NAALADL2: variants seen among roughly 807,000 people sequenced by gnomAD.
The protein encoded by NAALADL2 is inactive N-acetylated-alpha-linked acidic dipeptidase-like protein 2.
In NAALADL2, 76 loss-of-function variants were observed where a neutral mutation model predicts 87.2. The observed-to-expected ratio is 0.87, with a 90% CI of 0.72 to 1.05. NAALADL2 has a LOEUF of 1.05. Among genes scored for constraint, NAALADL2 ranks in the 50% least tolerant of loss-of-function variants. The pLI, the probability that NAALADL2 is intolerant of heterozygous loss-of-function variation, is 0.00. For synonymous variants in NAALADL2, 354 were observed against 331.0 expected, an observed-to-expected ratio of 1.07 and a Z score of -0.75; for missense variants, 1,089 against 945.8, an observed-to-expected ratio of 1.15 and a Z score of -1.99.
At chr3:175,465,137 A>C (rs1415113874) in intron 7 of NAALADL2, among the ~76,000 whole-genome samples, 1 of 151,974 alleles carries the variant, frequency 6.6e-6, no homozygotes, top group African/African-American at 2.4e-5. Flanking sequence ...CTGTAGTCCC[A>C]GCTACTGGGG....
intron 5 of NAALADL2, among the ~76,000 whole-genome samples, chr3:175,358,493 TA>T (rs759884037): frequency 0.01 from 1,471 of 146,054 alleles, 19 homozygotes; most frequent in African/African-American, 0.033. Context: ...GGGAGTAGTT[TA>T]AAAAAAAAAA....
At chr3:175,181,807 G>GTA (rs1343927237) in intron 2 of NAALADL2, among the ~76,000 whole-genome samples, 7 of 147,516 alleles carry the variant, frequency 4.7e-5, no homozygotes, top group African/African-American at 1.0e-4. Context: ...GTATATATAT[G>GTA]TATATATATA....
intron 5 of NAALADL2, among the ~76,000 whole-genome samples, chr3:175,334,990 T>C (rs1274399556): frequency 6.6e-6 from 1 of 152,130 alleles, no homozygotes; most frequent in Non-Finnish European, 1.5e-5. Flanking sequence ...GAAGACTGGA[T>C]GACTGAGGCA....
rs116458018 is a variant in NAALADL2 at position 174,575,719 on chromosome 3, A to G, written c.-115+25082A>G. On this transcript the variant is annotated intron_variant, in intron 2 of 3. Transcript: ENST00000434257. Reference sequence around the variant, plus strand: ...AAATTCTATAGTAAGTTTATTTGGAAGAGGAATGTGTAAGAAAAAATGTAG... The same window carrying G: ...AAATTCTATAGTAAGTTTATTTGGAGGAGGAATGTGTAAGAAAAAATGTAG... 2.7e-3 allele frequency among the ~76,000 whole-genome samples: 406 copies of G among 152,310 alleles called. 2 individuals are homozygous for G. The highest frequency in any genetic ancestry group is 9.0e-3 in the African/African-American group (375 of 41,578).
intron 10 of NAALADL2, among the ~76,000 whole-genome samples, chr3:175,579,408 C>T (rs999025654): frequency 3.9e-5 from 6 of 152,274 alleles, no homozygotes; most frequent in African/African-American, 1.2e-4. Flanking sequence ...AGCTATTCCA[C>T]ATTCCCACCA....
intron 2 of NAALADL2, among the ~76,000 whole-genome samples, chr3:174,552,795 CAAAA>C (rs1164243901): frequency 3.1e-3 from 171 of 55,986 alleles, no homozygotes; most frequent in Middle Eastern, 0.014. Context: ...GACCCTGCCT[CAAAA>C]AAAAAAAAAA....
rs1222423293 is a variant in NAALADL2 at position 175,112,648 on chromosome 3, G to T, written c.545+15357G>T. 3 of 151,558 alleles carry T rather than the reference G, an allele frequency of 2.0e-5. No homozygotes were observed. The East Asian group carries it at 5.8e-4, about 29-fold the overall frequency. The allele number at this position is 151,558 out of a possible 1,614,324, so 9.4% of individuals were successfully genotyped here. A position where few individuals can be genotyped will look rare whatever the true frequency, so the allele number is the denominator to read the frequency against. On this transcript the variant is annotated intron_variant, in intron 2 of 13. Transcript: ENST00000454872. ...ATAGAGATGGCAATTTCCAGTTACA[G>T]AATTATTAATAATTTAGTTGAATTA...
At chr3:175,675,370 T>C (rs1037820020) in intron 11 of NAALADL2, 4 of 152,242 alleles carry the variant, frequency 2.6e-5, no homozygotes, top group Admixed American at 6.5e-5. Context: ...TGAGTGTGAA[T>C]AGTGGTACAA....
chr3:175,039,241 A>T (rs1319111389), intron 1 of NAALADL2, among the ~76,000 whole-genome samples: 14 of 152,188 alleles, frequency 9.2e-5, no homozygotes, highest in African/African-American at 3.1e-4. Context: ...AACTCGGCTC[A>T]CTGCAACCTC....
intron 1 of NAALADL2, among the ~76,000 whole-genome samples, chr3:174,921,970 T>C (rs1735296543): frequency 6.6e-6 from 1 of 152,036 alleles, no homozygotes; most frequent in Admixed American, 6.6e-5. Context: ...TCTTTTGTTT[T>C]GTCATGAAAA....
At chr3:174,768,219 T>TG (rs1326981779) in intron 3 of NAALADL2, among the ~76,000 whole-genome samples, 1 of 152,180 alleles carries the variant, frequency 6.6e-6, no homozygotes, top group African/African-American at 2.4e-5. Context: ...AGAGGAAGTG[T>TG]TTTTACTGGC....
chr3:175,476,833 C>T lies in NAALADL2; in HGVS notation c.1653+5075C>T, dbSNP rs1427464450. Among the ~76,000 whole-genome samples, 4 of 152,024 alleles carry T rather than the reference C, an allele frequency of 2.6e-5. No individual in the cohort carries two copies. The East Asian group carries it at 7.7e-4, about 29-fold the overall frequency. ...ACGTCTGACATTTTTGCTTGAGTGACTGGAGCCCTGACTTTCAAGTAACAG... is the reference window on the plus strand; with the variant it reads ...ACGTCTGACATTTTTGCTTGAGTGATTGGAGCCCTGACTTTCAAGTAACAG... On this transcript the variant is annotated intron_variant, in intron 9 of 13. Transcript: ENST00000454872.
intron 12 of NAALADL2, among the ~76,000 whole-genome samples, chr3:175,754,274 G>C (rs1043696408): frequency 1.3e-5 from 2 of 152,134 alleles, no homozygotes; most frequent in African/African-American, 4.8e-5. Flanking sequence ...ATATCACATA[G>C]ATACTAAGTG....
chr3:174,469,665 C>A (rs115863682), intron 1 of NAALADL2, among the ~76,000 whole-genome samples: 4,424 of 151,614 alleles, frequency 0.029, 201 homozygotes, highest in African/African-American at 0.1. Context: ...CTCTTGACGT[C>A]GTGATCCGCC....
At chr3:174,978,998 T>C (rs9879353) in intron 1 of NAALADL2, among the ~76,000 whole-genome samples, 6,960 of 152,204 alleles carry the variant, frequency 0.046, 544 homozygotes, top group African/African-American at 0.16. Flanking sequence ...TTTAAATTTA[T>C]TTTTGGGTGA....
intron 1 of NAALADL2, among the ~76,000 whole-genome samples, chr3:174,442,747 A>G (rs914676764): frequency 1.3e-5 from 2 of 152,220 alleles, no homozygotes; most frequent in Non-Finnish European, 2.9e-5. Context: ...TAAGAAAAAT[A>G]TAAGGTGAAA....
chr3:175,272,031 CT>C (rs1295467967), intron 4 of NAALADL2, among the ~76,000 whole-genome samples: 2 of 152,198 alleles, frequency 1.3e-5, no homozygotes, highest in Middle Eastern at 6.8e-3. Context: ...GCCATCCACC[CT>C]TCTCTTTAGA....
chr3:175,095,134 T>G (rs1720907448), intron 1 of NAALADL2, among the ~76,000 whole-genome samples: 1 of 152,040 alleles, frequency 6.6e-6, no homozygotes, highest in Non-Finnish European at 1.5e-5. Flanking sequence ...ACTCTAGGTT[T>G]TTCAAATGGG....
intron 2 of NAALADL2, among the ~76,000 whole-genome samples, chr3:175,098,080 A>G (rs375848963): frequency 2.4e-4 from 37 of 152,214 alleles, no homozygotes; most frequent in African/African-American, 7.9e-4. Flanking sequence ...TACCAGGTGT[A>G]TTGGTGTTGG....
Sources: allele counts gnomAD v4.1 joint callset (sites outside exome capture counted in the v4.1 genomes callset), GRCh38; gene constraint gnomAD v4.1.1; transcripts MANE v1.5; gene names NCBI Gene and HGNC (gene_info 2026-07-23, HGNC 2026-07-21).